The following ARFGEF3 variants were observed in gnomAD, a reference collection of about 807,000 sequenced individuals.
ARFGEF3 encodes the protein brefeldin A-inhibited guanine nucleotide-exchange protein 3.
ARFGEF3 carries 96 observed loss-of-function variants against 221.7 expected under a neutral mutation model. The ratio of observed to expected loss-of-function variants is 0.43; its 90% CI spans 0.37 to 0.51. The LOEUF (loss-of-function observed/expected upper bound fraction) is 0.51. Among genes scored for constraint, ARFGEF3 ranks in the 20% least tolerant of loss-of-function variants. The pLI is 0.00. For missense variants in ARFGEF3, 2,410 were observed against 2,789.9 expected (o/e 0.86, Z 3.07); for synonymous variants, 1,145 against 1,126.8 (o/e 1.02, Z -0.32).
intron 1 of ARFGEF3, among the ~76,000 whole-genome samples, chr6:138,165,511 T>A (rs1776706806): frequency 7.2e-6 from 1 of 138,446 alleles, no homozygotes; most frequent in African/African-American, 2.8e-5. Flanking sequence ...GAGACCCACA[T>A]GGGGGAGAGG....
At chr6:138,292,348 G>A (rs150383975) in intron 19 of ARFGEF3, among the ~76,000 whole-genome samples, 3 of 151,960 alleles carry the variant, frequency 2.0e-5, no homozygotes, top group African/African-American at 7.3e-5. Context: ...TGGTAAAATA[G>A]GGTCATTTTT....
chr6:138,165,222 A>C (rs557793112), intron 1 of ARFGEF3, among the ~76,000 whole-genome samples: 6 of 150,808 alleles, frequency 4.0e-5, no homozygotes, highest in African/African-American at 1.5e-4. Flanking sequence ...GTCATCCCCC[A>C]CTTAGACCCT....
chr6:138,318,422 C>A (rs1425640328), intron 27 of ARFGEF3, among the ~76,000 whole-genome samples: 1 of 151,886 alleles, frequency 6.6e-6, no homozygotes, highest in African/African-American at 2.4e-5. Context: ...TCTTGAATAC[C>A]AAAAATTATG....
intron 6 of ARFGEF3, among the ~76,000 whole-genome samples, chr6:138,240,683 C>T (rs367642591): frequency 2.0e-5 from 3 of 152,138 alleles, no homozygotes; most frequent in Admixed American, 6.6e-5. Flanking sequence ...ATTACTCATG[C>T]GGTCCCTGGA....
intron 31 of ARFGEF3, among the ~76,000 whole-genome samples, chr6:138,324,756 A>G (rs1416815793): frequency 6.6e-6 from 1 of 152,374 alleles, no homozygotes; most frequent in Non-Finnish European, 1.5e-5. Flanking sequence ...CAAAGCCTAG[A>G]GAAGATGCTT....
chr6:138,186,768 T>C (rs911007043), intron 2 of ARFGEF3, among the ~76,000 whole-genome samples: 1 of 152,170 alleles, frequency 6.6e-6, no homozygotes, highest in African/African-American at 2.4e-5. Context: ...CTGAGACTTG[T>C]AGGGAACACA....
At chr6:138,198,343 A>G (rs1310707513) in intron 2 of ARFGEF3, among the ~76,000 whole-genome samples, 2 of 152,220 alleles carry the variant, frequency 1.3e-5, no homozygotes, top group South Asian at 2.1e-4. Flanking sequence ...GGTGAATCCA[A>G]TCTTTGTTTT....
chr6:138,306,683 A>G (rs1779728481), intron 22 of ARFGEF3, among the ~76,000 whole-genome samples: 2 of 152,128 alleles, frequency 1.3e-5, no homozygotes, highest in Admixed American at 1.3e-4. Flanking sequence ...TACCATTGCA[A>G]TTCAATCATG....
At chr6:138,322,477 A>G (rs1387961006) in intron 29 of ARFGEF3, among the ~76,000 whole-genome samples, 1 of 152,184 alleles carries the variant, frequency 6.6e-6, no homozygotes, top group African/African-American at 2.4e-5. Context: ...CAACAGATGA[A>G]TGCATAAAGG....
chr6:138,311,933 A>AT (rs1404622106), intron 25 of ARFGEF3, among the ~76,000 whole-genome samples: 1 of 152,148 alleles, frequency 6.6e-6, no homozygotes, highest in Non-Finnish European at 1.5e-5. Context: ...AGATGGGTGG[A>AT]TTACCTGAGG....
At chr6:138,252,570 A>G (rs77103259) in intron 8 of ARFGEF3, among the ~76,000 whole-genome samples, 3,120 of 152,004 alleles carry the variant, frequency 0.021, 100 homozygotes, top group African/African-American at 0.068. Flanking sequence ...CTTCCTTCCT[A>G]TCTCTTCAAG....
At chr6:138,210,188 C>A in intron 4 of ARFGEF3, 147 bp downstream of exon 4, 1 of 747,478 alleles carries the variant, frequency 1.3e-6, no homozygotes, top group Non-Finnish European at 2.1e-6. Context: ...TGCTCATGGT[C>A]CCCCTAAATT....
At chr6:138,326,197 C>T (rs1780124162) in intron 31 of ARFGEF3, among the ~76,000 whole-genome samples, 1 of 151,812 alleles carries the variant, frequency 6.6e-6, no homozygotes, top group Non-Finnish European at 1.5e-5. Flanking sequence ...CTTCCTCAAT[C>T]CCAAATTTTC....
At chr6:138,205,697 C>G (rs1379723587) in intron 2 of ARFGEF3, among the ~76,000 whole-genome samples, 1 of 152,114 alleles carries the variant, frequency 6.6e-6, no homozygotes, top group Admixed American at 6.6e-5. Flanking sequence ...ATCCATCTGT[C>G]AAAGGATGAA....
chr6:138,324,638 C>G (rs746412440), intron 31 of ARFGEF3, among the ~76,000 whole-genome samples: 7 of 152,184 alleles, frequency 4.6e-5, no homozygotes, highest in Non-Finnish European at 8.8e-5. Context: ...TCATCATATA[C>G]CAATGGCTTT....
chr6:138,230,878 G>C (rs536610992), intron 5 of ARFGEF3, among the ~76,000 whole-genome samples: 16 of 152,314 alleles, frequency 1.1e-4, no homozygotes, highest in African/African-American at 3.1e-4. Flanking sequence ...AATTTTAAGA[G>C]AGCCCTGTGA....
chr6:138,316,668 C>T (rs1779930945), intron 26 of ARFGEF3, among the ~76,000 whole-genome samples: 1 of 151,362 alleles, frequency 6.6e-6, no homozygotes, highest in South Asian at 2.1e-4. Context: ...ACCACTATCA[C>T]ACCCAAAATC....
intron 2 of ARFGEF3, among the ~76,000 whole-genome samples, chr6:138,202,954 CA>C (rs1281989007): frequency 6.6e-6 from 1 of 151,954 alleles, no homozygotes; most frequent in Non-Finnish European, 1.5e-5. Context: ...AGCATCTCTT[CA>C]AAGGCAGTCC....
At chr6:138,277,715 T>A (rs1779123631) in intron 12 of ARFGEF3, among the ~76,000 whole-genome samples, 1 of 152,168 alleles carries the variant, frequency 6.6e-6, no homozygotes, top group African/African-American at 2.4e-5. Context: ...ACAAAATGAA[T>A]GAAATGTCAC....
Sources: gnomAD v4.1 joint callset for allele counts (sites outside exome capture counted in the v4.1 genomes callset) on GRCh38, gnomAD v4.1.1 for gene constraint, MANE v1.5 for transcripts, NCBI Gene and HGNC (gene_info 2026-07-23, HGNC 2026-07-21) for gene names.